The following TPO variants were observed in gnomAD, a reference collection of about 807,000 sequenced individuals.
TPO encodes thyroid peroxidase, also known as thyroid microsomal antigen.
In TPO, 78 loss-of-function variants were observed where a neutral mutation model predicts 96.9. The ratio of observed to expected loss-of-function variants is 0.81; its 90% CI spans 0.67 to 0.97. The LOEUF (loss-of-function observed/expected upper bound fraction) is 0.97. Ranked by LOEUF, TPO falls within the 50% of genes least tolerant of loss-of-function variation. The pLI is 0.00. For missense variants in TPO, 1,252 were observed against 1,274.8 expected, an observed-to-expected ratio of 0.98 and a Z score of 0.27; for synonymous variants, 547 against 538.0, an observed-to-expected ratio of 1.02 and a Z score of -0.23.
intron 5 of TPO, among the ~76,000 whole-genome samples, chr2:1,448,804 G>A (rs750757312): frequency 6.6e-6 from 1 of 152,188 alleles, no homozygotes; most frequent in Non-Finnish European, 1.5e-5. Context: ...AGCTCTAAAG[G>A]ACCTGGCCCT....
Position 1,426,728 on chromosome 2 carries a change from A to G in TPO, c.179+3599A>G, listed in dbSNP as rs984604470. Among the ~76,000 whole-genome samples the G allele has an allele frequency of 2.6e-5, 4 of 152,254 alleles. No individual in the cohort carries two copies. The South Asian group carries it at 8.3e-4, about 31-fold the overall frequency. On this transcript the variant is annotated intron_variant, in intron 3 of 16. Coordinates refer to ENST00000329066, the MANE Select transcript of TPO (RefSeq NM_001206744.2). ...CTTCATTTAGGGATGAATTTATTAG[A>G]TCATCAGGAAACATGATGGTTTGTT... is the stretch of plus-strand genomic sequence containing the variant.
At chr2:1,439,169 C>T (rs1225650129) in intron 5 of TPO, 4 of 285,036 alleles carry the variant, frequency 1.4e-5, no homozygotes, top group African/African-American at 6.4e-5. Context: ...GGCGCCTCTG[C>T]CCCAGCTGCT....
intron 16 of TPO, 107 bp downstream of exon 16, chr2:1,540,830 C>T (rs370368246): frequency 5.0e-5 from 80 of 1,592,158 alleles, no homozygotes; most frequent in African/African-American, 5.4e-5. Flanking sequence ...CTGTTTACTC[C>T]GTGTTTCCTA....
Position 1,493,213 on chromosome 2 carries a change from G to C in TPO, c.1769-589G>C, listed in dbSNP as rs867396514. On this transcript the variant is annotated intron_variant, in intron 10 of 16. Coordinates refer to ENST00000329066, the MANE Select transcript of TPO (RefSeq NM_001206744.2). ...GTGTGTGTGTGTGTGAGTGGGTGGG[G>C]GGGGGGGTGCTGGCTTCTGTGTGTG... Among the ~76,000 whole-genome samples, 40 of 125,980 alleles carry C rather than the reference G, an allele frequency of 3.2e-4. 1 individual carries two copies. In the East Asian group the frequency reaches 8.2e-3, roughly 26 times the overall value. The allele number at this position is 125,980 out of a possible 152,430, so 82.6% of individuals were successfully genotyped here.
At chr2:1,534,200 C>CTT in intron 15 of TPO, among the ~76,000 whole-genome samples, 1 of 56,072 alleles carries the variant, frequency 1.8e-5, no homozygotes, top group African/African-American at 6.4e-5. Context: ...CCGTGTGCAA[C>CTT]CCCCCAATCT....
intron 15 of TPO, among the ~76,000 whole-genome samples, chr2:1,531,194 C>A (rs1412380828): frequency 8.2e-6 from 1 of 122,620 alleles, no homozygotes; most frequent in Admixed American, 8.6e-5. Flanking sequence ...TCCCCAAATC[C>A]CCACACTGTC....
intron 15 of TPO, among the ~76,000 whole-genome samples, chr2:1,534,423 G>T (rs1390833333): frequency 4.1e-5 from 3 of 73,504 alleles, no homozygotes; most frequent in Middle Eastern, 0.015. Context: ...CCCCCACCCT[G>T]TGCAGCCTCA....
chr2:1,428,263 C>A (rs1013964557), intron 3 of TPO, among the ~76,000 whole-genome samples: 9 of 152,164 alleles, frequency 5.9e-5, no homozygotes, highest in African/African-American at 1.9e-4. Context: ...ATGGCTGGGG[C>A]CCCTGGGAAA....
chr2:1,429,568 C>G (rs1428635721), intron 3 of TPO, among the ~76,000 whole-genome samples: 1 of 152,136 alleles, frequency 6.6e-6, no homozygotes, highest in Non-Finnish European at 1.5e-5. Context: ...AAGTTTAGAA[C>G]TTCCTAGAGA....
intron 15 of TPO, among the ~76,000 whole-genome samples, chr2:1,530,051 T>G (rs1346801553): frequency 6.0e-5 from 6 of 100,654 alleles, no homozygotes; most frequent in Admixed American, 1.1e-4. Context: ...CTCTGCAACC[T>G]CCCCAAGTCT....
chr2:1,476,078 A>T (rs1669905867), intron 7 of TPO, among the ~76,000 whole-genome samples: 1 of 152,230 alleles, frequency 6.6e-6, no homozygotes, highest in African/African-American at 2.4e-5. Flanking sequence ...AATGCAGCCC[A>T]GGTCTTCCGT....
intron 7 of TPO, 103 bp downstream of exon 7, chr2:1,456,385 C>G: frequency 1.6e-6 from 2 of 1,287,930 alleles, no homozygotes; most frequent in Non-Finnish European, 2.2e-6. Flanking sequence ...GTTTCTTTGT[C>G]CTATTCCCAG....
In TPO at chr2:1,482,524, C is replaced by T. The variant is rs960624741; in HGVS notation, c.1339-2072C>T. On this transcript the variant is annotated intron_variant, in intron 8 of 16. Transcript: ENST00000329066. ...GGTGAGCAGGAGGGGCACCTGACAG[C>T]GACGATGCCCCGGTCTCACAGTATG... Among the ~76,000 whole-genome samples, 10 of 152,156 alleles carry T rather than the reference C, an allele frequency of 6.6e-5. No homozygotes were observed. The East Asian group carries it at 9.7e-4, about 15-fold the overall frequency.
chr2:1,455,373 T>C (rs1338508387), intron 6 of TPO, among the ~76,000 whole-genome samples: 2 of 151,930 alleles, frequency 1.3e-5, no homozygotes, highest in Admixed American at 1.3e-4. Context: ...ATTCCAAGGT[T>C]CCCCCAAACC....
At chr2:1,434,616 A>G (rs1172042181) in intron 4 of TPO, among the ~76,000 whole-genome samples, 1 of 152,086 alleles carries the variant, frequency 6.6e-6, no homozygotes, top group African/African-American at 2.4e-5. Flanking sequence ...ACGTCAGAAG[A>G]TGTGGGTCTT....
chr2:1,469,986 C>T (rs12471358), intron 7 of TPO, among the ~76,000 whole-genome samples: 66,439 of 151,946 alleles, frequency 0.44, 14,693 homozygotes, highest in East Asian at 0.49. Context: ...GCCTCTTGTC[C>T]GCCATGATCC....
At chr2:1,439,502 C>G (rs1019900459) in intron 5 of TPO, 1 of 152,168 alleles carries the variant, frequency 6.6e-6, no homozygotes, top group Non-Finnish European at 1.5e-5. Context: ...TGCCAAAGCC[C>G]ACCAAGACCA....
chr2:1,378,041 A>G (rs1020682486), intron 1 of TPO, among the ~76,000 whole-genome samples: 2 of 152,200 alleles, frequency 1.3e-5, no homozygotes, highest in Non-Finnish European at 2.9e-5. Flanking sequence ...TGGTTTTATC[A>G]GGGAAACCCC....
At chr2:1,528,615 A>C (rs1358626911) in intron 15 of TPO, among the ~76,000 whole-genome samples, 2 of 118,654 alleles carry the variant, frequency 1.7e-5, no homozygotes, top group Non-Finnish European at 3.3e-5. Context: ...CCAGTCTGTG[A>C]AACCTCCCCA....
Sources: gnomAD v4.1 joint callset for allele counts (sites outside exome capture counted in the v4.1 genomes callset) on GRCh38, gnomAD v4.1.1 for gene constraint, MANE v1.5 for transcripts, NCBI Gene and HGNC (gene_info 2026-07-23, HGNC 2026-07-21) for gene names.